Variants in CIP2A observed in about 807,000 individuals in gnomAD.
CIP2A encodes cellular inhibitor of PP2A.
In CIP2A, 103 loss-of-function variants were observed where a neutral mutation model predicts 110.9. The observed-to-expected ratio is 0.93, with a 90% CI of 0.79 to 1.09. The LOEUF is 1.09. Among genes scored for constraint, CIP2A ranks in the 50% least tolerant of loss-of-function variants. The probability of loss-of-function intolerance (pLI) is 0.00; values close to 1 mark genes in which losing one functional copy is unlikely to be tolerated. For missense variants in CIP2A, 1,088 were observed against 1,038.4 expected (o/e 1.05, Z -0.66); for synonymous variants, 381 against 361.6 (o/e 1.05, Z -0.61).
chr3:108,566,411 G>A (rs1166626515), intron 11 of CIP2A, 86 bp downstream of exon 11: 3 of 1,019,778 alleles, frequency 2.9e-6, no homozygotes, highest in Non-Finnish European at 2.9e-6. Context: ...TATAACCAAA[G>A]GATGGTCCTC....
chr3:108,578,670 T>C (rs935221598), intron 7 of CIP2A, among the ~76,000 whole-genome samples: 4 of 152,144 alleles, frequency 2.6e-5, no homozygotes, highest in African/African-American at 9.7e-5. Flanking sequence ...CAAAGCAGCA[T>C]AGGCCCCAGC....
intron 1 of CIP2A, among the ~76,000 whole-genome samples, chr3:108,588,477 C>A (rs1665930372): frequency 1.4e-5 from 2 of 144,256 alleles, no homozygotes; most frequent in African/African-American, 5.0e-5. Flanking sequence ...GCACATTAGT[C>A]TTTTATCATA....
intron 4 of CIP2A, among the ~76,000 whole-genome samples, chr3:108,581,889 AT>A (rs904200392): frequency 2.6e-4 from 39 of 151,446 alleles, no homozygotes; most frequent in Non-Finnish European, 4.1e-4. Flanking sequence ...TTGCTTTACA[AT>A]TTTTTTTTCC....
intron 5 of CIP2A, among the ~76,000 whole-genome samples, chr3:108,580,343 C>T (rs906693061): frequency 2.6e-5 from 4 of 151,802 alleles, no homozygotes; most frequent in African/African-American, 9.7e-5. Flanking sequence ...GCAGTTTCTA[C>T]ACATGAAACT....
In CIP2A at chr3:108,551,095, A is replaced by T; in HGVS notation, c.*54T>A. The T allele has an allele frequency of 1.4e-6, 1 of 739,692 alleles. No individual in the cohort carries two copies. Among genetic ancestry groups the T allele is most frequent in the Non-Finnish European group, 2.0e-6 (1 of 506,338 alleles). The allele number at this position is 739,692 out of a possible 1,614,324, so 45.8% of individuals were successfully genotyped here. A position where few individuals can be genotyped will look rare whatever the true frequency, so the allele number is the denominator to read the frequency against. ...CTCCCCTACCCACCCCCCCTCCAAT[A>T]GATAAATACATCAAAAATATCATGA... On this transcript the variant is annotated 3_prime_UTR_variant, in exon 21 of 21. Coordinates refer to ENST00000295746, the MANE Select transcript of CIP2A (RefSeq NM_020890.3).
At chr3:108,573,305 CA>C (rs1938459178) in intron 8 of CIP2A, among the ~76,000 whole-genome samples, 1 of 151,836 alleles carries the variant, frequency 6.6e-6, no homozygotes, top group African/African-American at 2.4e-5. Context: ...GCCTTATAAT[CA>C]AAGACACTAT....
intron 8 of CIP2A, among the ~76,000 whole-genome samples, chr3:108,573,419 T>A (rs949323500): frequency 6.6e-6 from 1 of 152,054 alleles, no homozygotes; most frequent in African/African-American, 2.4e-5. Flanking sequence ...GAATTATTTT[T>A]TACTTTAAAA....
intron 19 of CIP2A, 39 bp from the exon 20 acceptor site, chr3:108,552,412 CT>C: frequency 7.7e-7 from 1 of 1,296,692 alleles, no homozygotes; most frequent in Non-Finnish European, 1.0e-6. Flanking sequence ...ACTCAGAGGT[CT>C]TACACTGACT....
At chr3:108,576,826 G>C (rs1938670276) in intron 7 of CIP2A, among the ~76,000 whole-genome samples, 1 of 152,134 alleles carries the variant, frequency 6.6e-6, no homozygotes, top group African/African-American at 2.4e-5. Context: ...GAGGTACTGT[G>C]GGACCCCTAG....
At chr3:108,567,325 T>C (rs1938222687) in intron 10 of CIP2A, among the ~76,000 whole-genome samples, 1 of 151,678 alleles carries the variant, frequency 6.6e-6, no homozygotes, top group African/African-American at 2.4e-5. Flanking sequence ...GGAAGAAAAT[T>C]AAGGAGCAGT....
intron 17 of CIP2A, 114 bp downstream of exon 17, chr3:108,557,104 A>G (rs900705311): frequency 2.0e-5 from 12 of 586,476 alleles, no homozygotes; most frequent in Non-Finnish European, 3.0e-5. Context: ...TACTTACCTC[A>G]TGTGTTATCA....
chr3:108,584,137 T>C (rs958742552), intron 2 of CIP2A, among the ~76,000 whole-genome samples: 12 of 152,190 alleles, frequency 7.9e-5, no homozygotes, highest in Admixed American at 2.6e-4. Context: ...CAAAATTACA[T>C]AGAATGTTCA....
intron 13 of CIP2A, among the ~76,000 whole-genome samples, chr3:108,562,525 A>G (rs1267141536): frequency 6.6e-6 from 1 of 151,980 alleles, no homozygotes; most frequent in Admixed American, 6.6e-5. Flanking sequence ...TTTAAACCAG[A>G]CTCCTAATAG....
intron 13 of CIP2A, among the ~76,000 whole-genome samples, chr3:108,562,537 C>T (rs1343198761): frequency 6.6e-6 from 1 of 152,126 alleles, no homozygotes; most frequent in African/African-American, 2.4e-5. Flanking sequence ...TCCTAATAGA[C>T]ATTTAGTTCA....
chr3:108,566,477 A>G lies in CIP2A; in HGVS notation c.1415+20T>C. 1 of 1,577,932 alleles carries G rather than the reference A, an allele frequency of 6.3e-7. No individual in the cohort carries two copies. Among genetic ancestry groups the G allele is most frequent in the Non-Finnish European group, 8.6e-7 (1 of 1,165,714 alleles). On this transcript the variant is annotated intron_variant, in intron 11 of 20. Transcript: ENST00000295746. ...TTTTTTACTGCCTTGCCATTTTGTCATTAGAGTTTATATACTCACCATAAT... is the reference window on the plus strand; with the variant it reads ...TTTTTTACTGCCTTGCCATTTTGTCGTTAGAGTTTATATACTCACCATAAT...
chr3:108,566,881 T>C (rs1938208530), intron 10 of CIP2A, among the ~76,000 whole-genome samples: 1 of 151,830 alleles, frequency 6.6e-6, no homozygotes, highest in Admixed American at 6.6e-5. Flanking sequence ...ATCTTTCCAT[T>C]GGATGTCTGT....
chr3:108,559,933 TTAAAA>T lies in CIP2A; in HGVS notation c.1902+16_1902+20del. On this transcript the variant is annotated intron_variant, in intron 15 of 20. Coordinates refer to ENST00000295746, the MANE Select transcript of CIP2A (RefSeq NM_020890.3). ...ATCTATTAAAGCTTATTACACATTGTTAAAATAAGCTTATACTCACAGCTAATGTG... is the reference window on the plus strand; with the variant it reads ...ATCTATTAAAGCTTATTACACATTGTTAAGCTTATACTCACAGCTAATGTG... 6.3e-7 allele frequency: 1 copy of T among 1,575,922 alleles called. No individual in the cohort carries two copies. The highest frequency in any genetic ancestry group is 8.7e-7 in the Non-Finnish European group (1 of 1,147,640).
chr3:108,587,881 AAGCGATTCTCC>A (rs751685217), intron 1 of CIP2A, among the ~76,000 whole-genome samples: 5 of 151,984 alleles, frequency 3.3e-5, no homozygotes, highest in Non-Finnish European at 7.4e-5. Context: ...TCCCGAGTTC[AAGCGATTCTCC>A]AGCCTCAGCC....
chr3:108,559,871 C>A lies in CIP2A; in HGVS notation c.1903-4G>T. 1 of 1,602,026 alleles carries A rather than the reference C, an allele frequency of 6.2e-7. No homozygotes were observed. The highest frequency in any genetic ancestry group is 1.1e-5 in the South Asian group (1 of 89,892). ...CTTGTAGCCTGCTTTCTTTGGACTA[C>A]AAGAAAACATATCATTAATTTTCAT... On this transcript the variant is annotated splice_region_variant and splice_polypyrimidine_tract_variant and intron_variant, in intron 15 of 20. Transcript: ENST00000295746.
Sources: allele counts gnomAD v4.1 joint callset (sites outside exome capture counted in the v4.1 genomes callset), GRCh38; gene constraint gnomAD v4.1.1; transcripts MANE v1.5; gene names NCBI Gene and HGNC (gene_info 2026-07-23, HGNC 2026-07-21).